Variants in ANP32B observed in about 807,000 individuals in gnomAD.
ANP32B encodes the protein acidic nuclear phosphoprotein 32 family member B.
In ANP32B, 6 loss-of-function variants were observed where a neutral mutation model predicts 32.2. The ratio of observed to expected loss-of-function variants is 0.19; its 90% CI spans 0.10 to 0.37. The LOEUF (loss-of-function observed/expected upper bound fraction) is 0.37. Among genes scored for constraint, ANP32B ranks in the 10% least tolerant of loss-of-function variants. The pLI is 1.00. For missense variants in ANP32B, 204 were observed against 289.2 expected (o/e 0.71, Z 2.14); for synonymous variants, 98 against 105.8 (o/e 0.93, Z 0.45).
At chr9:97,985,265 A>G (rs1827698372) in intron 1 of ANP32B, among the ~76,000 whole-genome samples, 2 of 151,988 alleles carry the variant, frequency 1.3e-5, no homozygotes, top group Admixed American at 1.3e-4. Context: ...ACCAGGGTTT[A>G]CCTGGTGTGC....
At chr9:98,010,746 C>T (rs1046271091) in intron 4 of ANP32B, among the ~76,000 whole-genome samples, 1 of 152,008 alleles carries the variant, frequency 6.6e-6, no homozygotes, top group Non-Finnish European at 1.5e-5. Flanking sequence ...GCCTCCTGTC[C>T]CCTGAGTCAC....
At chr9:98,004,810 AG>A (rs1445369400) in intron 3 of ANP32B, 153 bp from the exon 4 acceptor site, 1 of 533,390 alleles carries the variant, frequency 1.9e-6, no homozygotes, top group Admixed American at 3.6e-5. Context: ...CCTAATATAA[AG>A]GTTGCAAAAG....
At chr9:97,990,245 G>A (rs1827801177) in intron 1 of ANP32B, among the ~76,000 whole-genome samples, 1 of 152,166 alleles carries the variant, frequency 6.6e-6, no homozygotes, top group African/African-American at 2.4e-5. Context: ...GTGTATGTGT[G>A]TTGCACATGT....
At chr9:98,008,747 G>T (rs1034163801) in intron 4 of ANP32B, among the ~76,000 whole-genome samples, 1 of 152,168 alleles carries the variant, frequency 6.6e-6, no homozygotes, top group East Asian at 1.9e-4. Flanking sequence ...CTGTCTAGTT[G>T]CAGGGAAAAC....
chr9:97,987,153 C>T (rs1291791161), intron 1 of ANP32B, among the ~76,000 whole-genome samples: 1 of 151,872 alleles, frequency 6.6e-6, no homozygotes, highest in Non-Finnish European at 1.5e-5. Flanking sequence ...GGGATGGGGG[C>T]GAGGGATTGT....
Position 97,998,582 on chromosome 9 carries a change from T to C in ANP32B, c.231T>C (p.Phe77=), listed in dbSNP as rs552493990. The C allele has an allele frequency of 8.1e-6, 13 of 1,610,882 alleles. No individual in the cohort carries two copies. Among genetic ancestry groups the C allele is most frequent in the Non-Finnish European group, 1.1e-5 (13 of 1,179,030 alleles). The change falls in exon 3 of 7, where the codon TTT becomes TTC. Residue 77 remains phenylalanine (F), a synonymous_variant. Transcript: ENST00000339399. ...KKLELSENRI[F]GGLDMLAEKL... ...TTGAACTCAGTGAAAATAGAATCTT[T>C]GGAGGTCTGGACATGTTAGCTGAAA...
In ANP32B at chr9:98,009,834, A is replaced by T. The variant is rs373696605; in HGVS notation, c.518-1437A>T. On this transcript the variant is annotated intron_variant, in intron 4 of 6. Transcript: ENST00000339399. ...AGAAAATAGAGGAGGAAAAGCATCAAGGAGTTTGGGTGCAGTTAATGGTAT... is the reference window on the plus strand; with the variant it reads ...AGAAAATAGAGGAGGAAAAGCATCATGGAGTTTGGGTGCAGTTAATGGTAT... Among the ~76,000 whole-genome samples the T allele has an allele frequency of 2.6e-4, 40 of 152,370 alleles. No homozygotes were observed. In the South Asian group the frequency reaches 7.0e-3, roughly 27 times the overall value.
chr9:97,995,252 C>A (rs1827885695), intron 2 of ANP32B, among the ~76,000 whole-genome samples: 1 of 152,178 alleles, frequency 6.6e-6, no homozygotes, highest in Admixed American at 6.5e-5. Flanking sequence ...TCTAACCCAA[C>A]CCCTTATTTT....
chr9:98,013,618 A>T (rs1828224456), intron 6 of ANP32B, among the ~76,000 whole-genome samples: 1 of 152,102 alleles, frequency 6.6e-6, no homozygotes, highest in African/African-American at 2.4e-5. Flanking sequence ...GTTAGCTGGG[A>T]CCGGGTGTGG....
chr9:97,984,143 G>A (rs536573265), intron 1 of ANP32B, among the ~76,000 whole-genome samples: 1 of 150,236 alleles, frequency 6.7e-6, no homozygotes, highest in South Asian at 2.1e-4. Context: ...GTCAGCAGTC[G>A]TGGGGCGAGG....
chr9:97,989,369 G>C (rs114496378), intron 1 of ANP32B, among the ~76,000 whole-genome samples: 1,645 of 152,252 alleles, frequency 0.011, 34 homozygotes, highest in African/African-American at 0.038. Flanking sequence ...AGGTAGTATG[G>C]ATTTTTCATT....
chr9:97,984,884 G>A (rs1827684792), intron 1 of ANP32B, among the ~76,000 whole-genome samples: 1 of 150,784 alleles, frequency 6.6e-6, no homozygotes, highest in Non-Finnish European at 1.5e-5. Flanking sequence ...TCGGCTCGTG[G>A]GCCGGGCGGC....
intron 3 of ANP32B, among the ~76,000 whole-genome samples, chr9:98,003,959 C>T (rs1828035356): frequency 6.6e-6 from 1 of 152,210 alleles, no homozygotes; most frequent in South Asian, 2.1e-4. Context: ...GCTCCCTCTT[C>T]TATCTACAAG....
chr9:98,012,239 A>T (rs1341550929), intron 5 of ANP32B, among the ~76,000 whole-genome samples, 182 bp from the exon 6 acceptor site: 1 of 152,218 alleles, frequency 6.6e-6, no homozygotes, highest in East Asian at 1.9e-4. Context: ...AAAATTATAA[A>T]GCTCGTTAAG....
chr9:97,992,660 A>C (rs573210952), intron 1 of ANP32B, among the ~76,000 whole-genome samples: 1 of 152,356 alleles, frequency 6.6e-6, no homozygotes, highest in East Asian at 1.9e-4. Flanking sequence ...GTATTGCAGT[A>C]TACTGTTTAC....
chr9:98,012,313 T>G, intron 5 of ANP32B, 108 bp from the exon 6 acceptor site: 3 of 1,254,988 alleles, frequency 2.4e-6, no homozygotes, highest in Non-Finnish European at 3.3e-6. Flanking sequence ...CCTGCTTGAT[T>G]GATATTGTTG....
At chr9:98,008,103 A>G (rs1828118226) in intron 4 of ANP32B, among the ~76,000 whole-genome samples, 1 of 152,016 alleles carries the variant, frequency 6.6e-6, no homozygotes, top group South Asian at 2.1e-4. Context: ...CCCACTGTCC[A>G]TTAGCTAGTT....
intron 3 of ANP32B, 73 bp from the exon 4 acceptor site, chr9:98,004,891 C>T (rs1370760772): frequency 1.6e-6 from 2 of 1,225,562 alleles, no homozygotes; most frequent in African/African-American, 1.5e-5. Context: ...TAGAATTTTA[C>T]CTCTTCAAGA....
chr9:97,996,350 T>C (rs1015450449), intron 2 of ANP32B, among the ~76,000 whole-genome samples: 3 of 152,232 alleles, frequency 2.0e-5, no homozygotes, highest in African/African-American at 4.8e-5. Flanking sequence ...ATAGGGACTT[T>C]AATAAACCTT....
Sources: allele counts gnomAD v4.1 joint callset (sites outside exome capture counted in the v4.1 genomes callset), GRCh38; gene constraint gnomAD v4.1.1; transcripts MANE v1.5; gene names NCBI Gene and HGNC (gene_info 2026-07-23, HGNC 2026-07-21).